UNC5C: variants seen among roughly 807,000 people sequenced by gnomAD.
UNC5C encodes netrin receptor UNC5C.
A neutral mutation model predicts 99.8 loss-of-function variants in UNC5C; 47 were observed. That is an observed-to-expected ratio of 0.47 (90% CI 0.37 to 0.60). The LOEUF (loss-of-function observed/expected upper bound fraction) is 0.60. Among genes scored for constraint, UNC5C ranks in the 20% least tolerant of loss-of-function variants. The probability of loss-of-function intolerance (pLI) is 0.00; values close to 1 mark genes in which losing one functional copy is unlikely to be tolerated. For synonymous variants in UNC5C, 487 were observed against 452.2 expected, an observed-to-expected ratio of 1.08 and a Z score of -0.98; for missense variants, 1,062 against 1,165.9, an observed-to-expected ratio of 0.91 and a Z score of 1.30.
intron 1 of UNC5C, among the ~76,000 whole-genome samples, chr4:95,435,406 T>G (rs1746747361): frequency 6.6e-6 from 1 of 152,064 alleles, no homozygotes; most frequent in Non-Finnish European, 1.5e-5. Context: ...AGTGCCTGTC[T>G]CTCAGATGTT....
intron 1 of UNC5C, among the ~76,000 whole-genome samples, chr4:95,454,020 G>A (rs1030492244): frequency 7.2e-5 from 11 of 152,086 alleles, no homozygotes; most frequent in Non-Finnish European, 1.6e-4. Context: ...GAGAAGTATG[G>A]AGTTACTACT....
chr4:95,412,020 T>C (rs1043807181), intron 1 of UNC5C, among the ~76,000 whole-genome samples: 2 of 151,698 alleles, frequency 1.3e-5, no homozygotes, highest in African/African-American at 4.9e-5. Flanking sequence ...ATTCTAGTCA[T>C]GTCAGTGTCT....
At chr4:95,331,350 G>T (rs1490251806) in intron 2 of UNC5C, among the ~76,000 whole-genome samples, 1 of 152,046 alleles carries the variant, frequency 6.6e-6, no homozygotes, top group Non-Finnish European at 1.5e-5. Flanking sequence ...TGGTATTGCT[G>T]GATTAAATGG....
At chr4:95,245,770 T>C (rs1054807202) in intron 5 of UNC5C, among the ~76,000 whole-genome samples, 3 of 152,248 alleles carry the variant, frequency 2.0e-5, no homozygotes. Context: ...TTATGATGTC[T>C]GATGGAGCTG....
At chr4:95,175,738 T>G (rs1361600817) in intron 14 of UNC5C, among the ~76,000 whole-genome samples, 5 of 151,932 alleles carry the variant, frequency 3.3e-5, no homozygotes. Flanking sequence ...TTTCTCTTCT[T>G]GAGGAGTATC....
At chr4:95,225,594 AAATT>A (rs1738654618) in intron 7 of UNC5C, among the ~76,000 whole-genome samples, 1 of 152,112 alleles carries the variant, frequency 6.6e-6, no homozygotes, top group African/African-American at 2.4e-5. Flanking sequence ...AATATTAAAA[AAATT>A]AAATATCGCC....
chr4:95,235,036 A>G (rs1352842349), intron 7 of UNC5C, among the ~76,000 whole-genome samples: 3 of 152,206 alleles, frequency 2.0e-5, no homozygotes, highest in African/African-American at 7.2e-5. Context: ...TTCAGTTCCA[A>G]ATCCCCATGT....
intron 3 of UNC5C, among the ~76,000 whole-genome samples, chr4:95,295,753 C>T (rs998216134): frequency 1.3e-5 from 2 of 152,146 alleles, no homozygotes; most frequent in African/African-American, 4.8e-5. Context: ...TATTACTGGG[C>T]AGAGCACCAC....
intron 1 of UNC5C, among the ~76,000 whole-genome samples, chr4:95,512,935 A>T (rs1722117078): frequency 6.6e-6 from 1 of 152,210 alleles, no homozygotes; most frequent in South Asian, 2.1e-4. Flanking sequence ...AATACTTGAT[A>T]AATTAATTAA....
chr4:95,163,436 A>G lies in UNC5C; in HGVS notation c.*5798T>C, dbSNP rs1402129507. ...AGGATCAGAGGCCAAAAGAGAGCCCATCAATCCTTAGGCTGCTGATCAGCA... is the reference window on the plus strand; with the variant it reads ...AGGATCAGAGGCCAAAAGAGAGCCCGTCAATCCTTAGGCTGCTGATCAGCA... On this transcript the variant is annotated 3_prime_UTR_variant, in exon 16 of 16. Transcript: ENST00000453304. The G allele has an allele frequency of 6.6e-6, 1 of 152,220 alleles. No homozygotes were observed. The highest frequency in any genetic ancestry group is 2.4e-5 in the African/African-American group (1 of 41,448). 9.4% of individuals were successfully genotyped at this position (152,220 alleles called of 1,614,324 possible). A position where few individuals can be genotyped will look rare whatever the true frequency, so the allele number is the denominator to read the frequency against.
At chr4:95,171,214 A>T (rs929545604) in intron 14 of UNC5C, among the ~76,000 whole-genome samples, 3 of 148,760 alleles carry the variant, frequency 2.0e-5, no homozygotes, top group African/African-American at 7.4e-5. Flanking sequence ...ATCTCTCTCT[A>T]TTTTTTTTTT....
intron 5 of UNC5C, among the ~76,000 whole-genome samples, chr4:95,247,085 T>C (rs1739531366): frequency 6.6e-6 from 1 of 152,082 alleles, no homozygotes; most frequent in Admixed American, 6.6e-5. Context: ...GTAGTATACA[T>C]ATAATTTTTG....
intron 1 of UNC5C, among the ~76,000 whole-genome samples, chr4:95,504,291 A>G (rs372619701): frequency 5.6e-4 from 85 of 152,194 alleles, no homozygotes; most frequent in African/African-American, 1.9e-3. Context: ...CTCCCCTCTG[A>G]ACAAGCTTAC....
intron 3 of UNC5C, among the ~76,000 whole-genome samples, chr4:95,288,974 TG>T (rs753654503): frequency 2.0e-5 from 3 of 152,196 alleles, no homozygotes; most frequent in Non-Finnish European, 4.4e-5. Context: ...TATCCTGCTG[TG>T]GTGGTTACAA....
At chr4:95,358,288 G>A (rs548110068) in intron 1 of UNC5C, among the ~76,000 whole-genome samples, 2 of 152,148 alleles carry the variant, frequency 1.3e-5, no homozygotes, top group East Asian at 3.9e-4. Flanking sequence ...GTTTCCTTGT[G>A]GCATGTGATA....
chr4:95,492,489 T>G (rs1048045441), intron 1 of UNC5C, among the ~76,000 whole-genome samples: 1 of 151,464 alleles, frequency 6.6e-6, no homozygotes, highest in Non-Finnish European at 1.5e-5. Flanking sequence ...TTTGTTTTTA[T>G]GATAACCACG....
At chr4:95,414,065 C>A (rs1035921496) in intron 1 of UNC5C, among the ~76,000 whole-genome samples, 1 of 152,152 alleles carries the variant, frequency 6.6e-6, no homozygotes, top group Non-Finnish European at 1.5e-5. Context: ...GTATGTGTTA[C>A]CCCCAAATAT....
intron 1 of UNC5C, among the ~76,000 whole-genome samples, chr4:95,471,045 T>C (rs917616963): frequency 1.3e-5 from 2 of 151,876 alleles, no homozygotes; most frequent in African/African-American, 4.8e-5. Flanking sequence ...TGAGCCTAAA[T>C]TAGGAAATTT....
At chr4:95,258,906 C>T (rs12108433) in intron 4 of UNC5C, among the ~76,000 whole-genome samples, 36,522 of 148,038 alleles carry the variant, frequency 0.25, 5,142 homozygotes, top group East Asian at 0.54. Context: ...GGACTACAGG[C>T]GCCCGCCACT....
Sources: gnomAD v4.1 joint callset for allele counts (sites outside exome capture counted in the v4.1 genomes callset) on GRCh38, gnomAD v4.1.1 for gene constraint, MANE v1.5 for transcripts, NCBI Gene and HGNC (gene_info 2026-07-23, HGNC 2026-07-21) for gene names.